RAD21: variants seen among roughly 807,000 people sequenced by gnomAD.
RAD21 encodes double-strand-break repair protein rad21 homolog.
RAD21 carries 18 observed loss-of-function variants against 71.5 expected under a neutral mutation model. The observed-to-expected ratio is 0.25, with a 90% CI of 0.17 to 0.37. The LOEUF (loss-of-function observed/expected upper bound fraction) is 0.37. Ranked by LOEUF, RAD21 falls within the 10% of genes least tolerant of loss-of-function variation. The pLI, the probability that RAD21 is intolerant of heterozygous loss-of-function variation, is 1.00. For synonymous variants in RAD21, 248 were observed against 254.0 expected (o/e 0.98, Z 0.22); for missense variants, 493 against 769.1 (o/e 0.64, Z 4.25).
Position 116,861,903 on chromosome 8 carries a change from A to G in RAD21, c.312T>C (p.Ala104=), listed in dbSNP as rs1812600183. 6.2e-7 allele frequency: 1 copy of G among 1,611,826 alleles called. No homozygotes were observed. The highest frequency in any genetic ancestry group is 1.3e-5 in the African/African-American group (1 of 74,798). The change falls in exon 4 of 14, where the codon GCT becomes GCC. Residue 104 remains alanine, a synonymous_variant. Coordinates refer to ENST00000297338, the MANE Select transcript of RAD21 (RefSeq NM_006265.3). ...VDLPEENREA[A]YNAITLPEEF... ...CTTCAGGTAAAGTAATGGCATTATAAGCTGCTTCCCGATTTTCCTCAGGCA... is the reference window on the plus strand; with the variant it reads ...CTTCAGGTAAAGTAATGGCATTATAGGCTGCTTCCCGATTTTCCTCAGGCA...
At chr8:116,872,644 G>T (rs1812853203) in intron 1 of RAD21, among the ~76,000 whole-genome samples, 1 of 151,990 alleles carries the variant, frequency 6.6e-6, no homozygotes, top group Non-Finnish European at 1.5e-5. Flanking sequence ...ACATAATCCT[G>T]CTATTGTCAT....
chr8:116,858,365 T>C lies in RAD21; in HGVS notation c.468A>G (p.Gln156=), dbSNP rs530697556. The change falls in exon 5 of 14, where the codon CAA becomes CAG. Residue 156 remains glutamine, a synonymous_variant. Transcript: ENST00000297338. ...TTTCTCTTTTACCAAAATCATTTTC[T>C]TGTAAAATACTGATGTTCCCAACTT... ...REEVGNISIL[Q]ENDFGDFGMD... The C allele has an allele frequency of 1.8e-4, 292 of 1,607,110 alleles. 2 individuals are homozygous for C. In the South Asian group the frequency reaches 3.0e-3, roughly 17 times the overall value.
At chr8:116,848,700 T>C (rs936525486) in intron 13 of RAD21, among the ~76,000 whole-genome samples, 2 of 151,618 alleles carry the variant, frequency 1.3e-5, no homozygotes, top group Non-Finnish European at 2.9e-5. Context: ...TTCTCCTCCA[T>C]GCTTTTCCGG....
Position 116,860,880 on chromosome 8 carries a change from T to C in RAD21, c.374+961A>G, listed in dbSNP as rs535839596. On this transcript the variant is annotated intron_variant, in intron 4 of 13. Transcript: ENST00000297338. Reference sequence around the variant, plus strand: ...AACTATTACAGATGAAATAAGATTATTGTTACTTGATTTAAAATAATCTGG... The same window carrying C: ...AACTATTACAGATGAAATAAGATTACTGTTACTTGATTTAAAATAATCTGG... 9.8e-4 allele frequency among the ~76,000 whole-genome samples: 149 copies of C among 152,298 alleles called. 1 individual carries two copies. Among genetic ancestry groups the C allele is most frequent in the Middle Eastern group, 3.4e-3 (1 of 294 alleles).
At position 116,856,646 on chromosome 8, in the gene RAD21, T is replaced by C. The variant is rs199556305; in HGVS notation, c.814A>G (p.Met272Val). The C allele has an allele frequency of 6.3e-7, 1 of 1,588,644 alleles. No homozygotes were observed. The highest frequency in any genetic ancestry group is 1.4e-5 in the African/African-American group (1 of 73,874). ...GAATCACTGAACATGAAATGCTTAC[T>C]TGATACATTATCATCCTCATCCATA... ...DDMDEDDNVSMGGPDSPDSVD... is the reference protein window; with the variant it reads ...DDMDEDDNVSVGGPDSPDSVD... Residue 272 changes from methionine to valine, a missense_variant and splice_region_variant, in exon 7 of 14, where the codon ATG becomes GTG. Met to Val is a conservative substitution (Grantham distance 21). Around this residue, in one of 5 missense-constraint regions of RAD21, gnomAD observed 165 missense variants for 229.6 expected, o/e 0.72. Transcript: ENST00000297338.
chr8:116,859,337 T>C (rs1812537136), intron 4 of RAD21, among the ~76,000 whole-genome samples: 3 of 152,184 alleles, frequency 2.0e-5, no homozygotes, highest in East Asian at 1.9e-4. Context: ...TCTCATGCTA[T>C]TTAAAAATTT....
rs1387881745 is a variant in RAD21 at position 116,854,227 on chromosome 8, T to G, written c.1161+18A>C. ...GCTCAAAATGTATATGAAGTAAAAA[T>G]TCTGCAAACTATATTACCTTCAGTA... On this transcript the variant is annotated intron_variant, in intron 9 of 13. Transcript: ENST00000297338. 1.5e-5 allele frequency: 23 copies of G among 1,565,988 alleles called. No individual in the cohort carries two copies. The highest frequency in any genetic ancestry group is 2.0e-5 in the Non-Finnish European group (23 of 1,146,130).
In RAD21 at chr8:116,852,697, G is replaced by A. The variant is rs371072054; in HGVS notation, c.1173C>T (p.Arg391=). The A allele has an allele frequency of 9.1e-6, 14 of 1,533,104 alleles. No homozygotes were observed. In the East Asian group the frequency reaches 2.6e-4, roughly 28 times the overall value. 95.0% of individuals were successfully genotyped at this position (1,533,104 alleles called of 1,614,324 possible). A position where few individuals can be genotyped will look rare whatever the true frequency, so the allele number is the denominator to read the frequency against. The change falls in exon 10 of 14, where the codon CGC becomes CGT. Residue 391 remains arginine (R), a synonymous_variant. Transcript: ENST00000297338. ...WNNRLLKLFT[R]CLTPLVPEDL... ...CTTCTGGTACAAGCGGTGTAAGACAGCGTGTAAAGAGCTATTAAAAAAAAA... is the reference window on the plus strand; with the variant it reads ...CTTCTGGTACAAGCGGTGTAAGACAACGTGTAAAGAGCTATTAAAAAAAAA...
At chr8:116,872,563 CACAT>C (rs1300257753) in intron 1 of RAD21, among the ~76,000 whole-genome samples, 4 of 148,808 alleles carry the variant, frequency 2.7e-5, no homozygotes, top group Non-Finnish European at 5.9e-5. Context: ...CACACACACA[CACAT>C]ATTTTAACTC....
intron 2 of RAD21, among the ~76,000 whole-genome samples, chr8:116,866,142 T>TACTCTG (rs1210897876): frequency 2.0e-5 from 3 of 152,162 alleles, no homozygotes; most frequent in African/African-American, 7.2e-5. Context: ...CTGTCTCATT[T>TACTCTG]GTATAGTTTT....
At chr8:116,871,837 T>C (rs1352103820) in intron 1 of RAD21, among the ~76,000 whole-genome samples, 3 of 152,140 alleles carry the variant, frequency 2.0e-5, no homozygotes, top group African/African-American at 7.2e-5. Context: ...GATAAGTAAA[T>C]GTCACTAGTA....
rs767603053 is a variant in RAD21, at chr8:116,851,961, T to A, written c.1457A>T (p.Glu486Val). The change falls in exon 11 of 14, where the codon GAG (glutamate) becomes GTG (valine). Residue 486 changes from glutamate (E) to valine (V), a missense_variant. Glu to Val is a moderately radical substitution (Grantham distance 121, BLOSUM62 -2). Transcript: ENST00000297338. ...VKRKAGQIDP[E>V]PVMPPQQVEQ... ...TTGCTTACTTACAGGCATCACAGGCTCTGGGTCAATTTGTCCAGCTTTTCG... is the reference window on the plus strand; with the variant it reads ...TTGCTTACTTACAGGCATCACAGGCACTGGGTCAATTTGTCCAGCTTTTCG... The A allele has an allele frequency of 1.9e-6, 3 of 1,609,274 alleles. No homozygotes were observed. Among genetic ancestry groups the A allele is most frequent in the Middle Eastern group, 1.8e-4 (1 of 5,698 alleles).
chr8:116,871,484 T>C (rs1812821887), intron 1 of RAD21, among the ~76,000 whole-genome samples: 1 of 152,230 alleles, frequency 6.6e-6, no homozygotes, highest in African/African-American at 2.4e-5. Context: ...AAACTGAGGC[T>C]CATGCTTCTA....
chr8:116,861,733 T>A, intron 4 of RAD21, 108 bp downstream of exon 4: 1 of 707,340 alleles, frequency 1.4e-6, no homozygotes. Flanking sequence ...TATATATGCA[T>A]TTTAGCTGTT....
intron 5 of RAD21, 67 bp downstream of exon 5, chr8:116,858,285 T>C: frequency 8.9e-6 from 11 of 1,235,014 alleles, no homozygotes; most frequent in Middle Eastern, 5.0e-4. Flanking sequence ...TGGTTTTCTT[T>C]TGAAATTGCT....
chr8:116,872,031 A>G (rs11786746), intron 1 of RAD21, among the ~76,000 whole-genome samples: 24,946 of 152,160 alleles, frequency 0.16, 2,489 homozygotes, highest in East Asian at 0.38. Context: ...TCTTGCATCC[A>G]TGGACTAAAC....
At chr8:116,853,084 C>T (rs1432821172) in intron 9 of RAD21, among the ~76,000 whole-genome samples, 7 of 151,930 alleles carry the variant, frequency 4.6e-5, no homozygotes, top group Non-Finnish European at 7.4e-5. Context: ...ATCATTTAAA[C>T]TATTTTTTTT....
At chr8:116,858,600 C>T in intron 4 of RAD21, 142 bp from the exon 5 acceptor site, 1 of 575,110 alleles carries the variant, frequency 1.7e-6, no homozygotes, top group Non-Finnish European at 3.0e-6. Context: ...AATACTTTCA[C>T]ACATTCCAGT....
chr8:116,865,298 TATC>T (rs1812667286), intron 2 of RAD21, among the ~76,000 whole-genome samples: 1 of 152,140 alleles, frequency 6.6e-6, no homozygotes, highest in African/African-American at 2.4e-5. Flanking sequence ...ACTCGGTACA[TATC>T]ATGAAAAAAA....
Sources: gnomAD v4.1 joint callset for allele counts (sites outside exome capture counted in the v4.1 genomes callset) on GRCh38, gnomAD v4.1.1 for gene constraint, gnomAD v4.1.1 regional missense constraint, MANE v1.5 for transcripts, NCBI Gene and HGNC (gene_info 2026-07-23, HGNC 2026-07-21) for gene names.